The following CADPS2 variants were observed in gnomAD, a reference collection of about 807,000 sequenced individuals.
CADPS2 encodes the protein calcium dependent secretion activator 2.
A neutral mutation model predicts 172.5 loss-of-function variants in CADPS2; 93 were observed. The ratio of observed to expected loss-of-function variants is 0.54; its 90% confidence interval spans 0.46 to 0.64. The LOEUF is 0.64. Ranked by LOEUF, CADPS2 falls within the 30% of genes least tolerant of loss-of-function variation. The probability of loss-of-function intolerance (pLI) is 0.00; values close to 1 mark genes in which losing one functional copy is unlikely to be tolerated. For missense variants in CADPS2, 1,420 were observed against 1,565.9 expected (o/e 0.91, Z 1.57); for synonymous variants, 546 against 555.2 (o/e 0.98, Z 0.23).
intron 25 of CADPS2, among the ~76,000 whole-genome samples, chr7:122,367,538 A>AG (rs1563163249): frequency 8.8e-5 from 4 of 45,482 alleles, no homozygotes; most frequent in Non-Finnish European, 9.7e-5. Context: ...ACCTTCCCCC[A>AG]GTTTTTTTTT....
intron 3 of CADPS2, among the ~76,000 whole-genome samples, chr7:122,649,966 G>A (rs2078980444): frequency 7.6e-6 from 1 of 130,870 alleles, no homozygotes; most frequent in African/African-American, 2.9e-5. Context: ...CTGGAGTGCA[G>A]TGGTGTGATC....
In CADPS2 at chr7:122,705,973, TA is replaced by T. The variant is rs1339049886; in HGVS notation, c.453+30981del. Among the ~76,000 whole-genome samples the T allele has an allele frequency of 4.1e-5, 3 of 73,016 alleles. 1 individual carries two copies. Among genetic ancestry groups the T allele is most frequent in the African/African-American group, 1.2e-4 (2 of 17,008 alleles). 47.9% of individuals were successfully genotyped at this position (73,016 alleles called of 152,430 possible). A position where few individuals can be genotyped will look rare whatever the true frequency, so the allele number is the denominator to read the frequency against. On this transcript the variant is annotated intron_variant, in intron 2 of 29. Coordinates refer to ENST00000449022, the MANE Select transcript of CADPS2 (RefSeq NM_017954.11). The stretch of plus-strand genomic sequence containing the variant: ...TATATAATATATATATAATATAATA[TA>T]ATATATAATATTATATATTATATAA...
chr7:122,674,015 C>G (rs2082144718), intron 2 of CADPS2, among the ~76,000 whole-genome samples: 1 of 152,100 alleles, frequency 6.6e-6, no homozygotes, highest in Non-Finnish European at 1.5e-5. Context: ...CAGCGCGGCT[C>G]GGGCGGGCTG....
At position 122,830,483 on chromosome 7, in the gene CADPS2, T is replaced by A. The variant is rs139661346; in HGVS notation, c.339+55516A>T. Among the ~76,000 whole-genome samples the A allele has an allele frequency of 5.3e-5, 8 of 152,080 alleles. No individual in the cohort carries two copies. The East Asian group carries it at 1.5e-3, about 29-fold the overall frequency. On this transcript the variant is annotated intron_variant, in intron 1 of 29. Transcript: ENST00000449022. ...ATACTCCTGAATAACATGCAACAAT[T>A]TTAAAATAAGCAAACAGTAGTTATC...
chr7:122,670,041 A>G (rs1364743771), intron 2 of CADPS2, among the ~76,000 whole-genome samples: 1 of 151,298 alleles, frequency 6.6e-6, no homozygotes, highest in African/African-American at 2.4e-5. Flanking sequence ...TCACCTCTCT[A>G]TCTCCCATGA....
chr7:122,813,471 T>C (rs187901508), intron 1 of CADPS2, among the ~76,000 whole-genome samples: 1 of 152,260 alleles, frequency 6.6e-6, no homozygotes, highest in East Asian at 1.9e-4. Context: ...AATTGTTTAT[T>C]ACCATCAACG....
chr7:122,478,355 C>T (rs1378679855), intron 12 of CADPS2, among the ~76,000 whole-genome samples: 2 of 152,120 alleles, frequency 1.3e-5, no homozygotes, highest in Admixed American at 6.5e-5. Context: ...CAGTATACTG[C>T]AAAACTGTCA....
At chr7:122,698,740 CCA>C (rs771548782) in intron 2 of CADPS2, 1 of 1,613,802 alleles carries the variant, frequency 6.2e-7, no homozygotes, top group Non-Finnish European at 8.5e-7. Context: ...TCCAAAGACT[CCA>C]GTCTCTCCCA....
chr7:122,676,593 T>A lies in CADPS2; in HGVS notation c.454-13024A>T, dbSNP rs2082405606. ...AATTAAATATCCACTTCACACAGCA[T>A]GACTACAGAGAGATCCTGCTTCCCA... On this transcript the variant is annotated intron_variant, in intron 2 of 29. Transcript: ENST00000449022. The A allele has an allele frequency of 2.9e-6, 3 of 1,032,502 alleles. No individual in the cohort carries two copies. In the South Asian group the frequency reaches 4.5e-5, roughly 15 times the overall value. The allele number at this position is 1,032,502 out of a possible 1,614,324, so 64.0% of individuals were successfully genotyped here.
At chr7:122,871,949 T>C (rs1484390797) in intron 1 of CADPS2, among the ~76,000 whole-genome samples, 1 of 152,066 alleles carries the variant, frequency 6.6e-6, no homozygotes, top group African/African-American at 2.4e-5. Context: ...TCTCTTTTCT[T>C]GGGCTTCCTT....
At chr7:122,622,836 A>T (rs2075738450) in intron 4 of CADPS2, among the ~76,000 whole-genome samples, 1 of 152,120 alleles carries the variant, frequency 6.6e-6, no homozygotes, top group South Asian at 2.1e-4. Flanking sequence ...AACCTAAGAA[A>T]TCTGCATGTG....
At chr7:122,790,499 AC>A (rs151077207) in intron 1 of CADPS2, among the ~76,000 whole-genome samples, 5,356 of 152,104 alleles carry the variant, frequency 0.035, 142 homozygotes, top group Non-Finnish European at 0.056. Flanking sequence ...GTTTCTAATC[AC>A]CACCTACCCC....
At chr7:122,802,384 G>A (rs923181325) in intron 1 of CADPS2, among the ~76,000 whole-genome samples, 3 of 152,148 alleles carry the variant, frequency 2.0e-5, no homozygotes, top group African/African-American at 7.2e-5. Flanking sequence ...TGTTCCCTCT[G>A]CGTCACATGC....
At chr7:122,633,764 C>T (rs1331818548) in intron 3 of CADPS2, among the ~76,000 whole-genome samples, 4 of 152,184 alleles carry the variant, frequency 2.6e-5, no homozygotes, top group Non-Finnish European at 4.4e-5. Flanking sequence ...ACATTCTTGT[C>T]ATGTTCCAGT....
chr7:122,542,872 C>T (rs1449750786), intron 8 of CADPS2, among the ~76,000 whole-genome samples: 1 of 151,956 alleles, frequency 6.6e-6, no homozygotes, highest in Non-Finnish European at 1.5e-5. Context: ...AATAAACATC[C>T]ATAAACACAT....
intron 25 of CADPS2, among the ~76,000 whole-genome samples, chr7:122,378,400 T>A (rs1418431437): frequency 6.6e-6 from 1 of 152,190 alleles, no homozygotes; most frequent in Non-Finnish European, 1.5e-5. Context: ...TGAAACTGAA[T>A]GTTACTTTAA....
chr7:122,401,962 T>G (rs1585656452), intron 20 of CADPS2, among the ~76,000 whole-genome samples: 4 of 152,092 alleles, frequency 2.6e-5, no homozygotes, highest in Admixed American at 2.6e-4. Context: ...TCTCCAAGGG[T>G]TCTCCAAGCT....
chr7:122,705,981 A>AATATATTATATAATATAATAT lies in CADPS2; in HGVS notation c.453+30973_453+30974insATATTATATTATATAATATAT, dbSNP rs1450514297. Among the ~76,000 whole-genome samples the AATATATTATATAATATAATAT allele has an allele frequency of 8.2e-5, 5 of 60,960 alleles. 1 individual carries two copies. The highest frequency in any genetic ancestry group is 3.8e-4 in the African/African-American group (5 of 13,208). The allele number at this position is 60,960 out of a possible 152,430, so 40.0% of individuals were successfully genotyped here. A position where few individuals can be genotyped will look rare whatever the true frequency, so the allele number is the denominator to read the frequency against. On this transcript the variant is annotated intron_variant, in intron 2 of 29. Transcript: ENST00000449022. ...ATATATATAATATAATATAATATATAATATTATATATTATATAATATTTAT... is the reference window on the plus strand; with the variant it reads ...ATATATATAATATAATATAATATATAATATATTATATAATATAATATATATTATATATTATATAATATTTAT...
intron 28 of CADPS2, among the ~76,000 whole-genome samples, chr7:122,342,514 T>C (rs2036934148): frequency 6.6e-6 from 1 of 152,202 alleles, no homozygotes; most frequent in South Asian, 2.1e-4. Flanking sequence ...CTGCATCACC[T>C]GCAAAGATTA....
Sources: gnomAD v4.1 joint callset for allele counts (sites outside exome capture counted in the v4.1 genomes callset) on GRCh38, gnomAD v4.1.1 for gene constraint, MANE v1.5 for transcripts, NCBI Gene and HGNC (gene_info 2026-07-23, HGNC 2026-07-21) for gene names.